ZNF285: variants seen among roughly 807,000 people sequenced by gnomAD.
ZNF285 encodes zinc finger protein 285.
Under a neutral mutation model 6.2 loss-of-function variants are expected in ZNF285, and 4 were observed. That is an observed-to-expected ratio of 0.65 (90% confidence interval 0.32 to 1.49). The LOEUF (loss-of-function observed/expected upper bound fraction) is 1.49, where lower values mean the gene tolerates loss of function less well. Ranked by LOEUF, ZNF285 falls within the 40% of genes most tolerant of loss-of-function variation. ZNF285 has a pLI of 0.07. For missense variants in ZNF285, 695 were observed against 708.8 expected, an observed-to-expected ratio of 0.98 and a Z score of 0.22; for synonymous variants, 240 against 245.8, an observed-to-expected ratio of 0.98 and a Z score of 0.22.
intron 3 of ZNF285, among the ~76,000 whole-genome samples, 183 bp from the exon 4 acceptor site, chr19:44,388,285 T>G (rs909142217): frequency 3.3e-5 from 5 of 151,572 alleles, no homozygotes; most frequent in African/African-American, 4.9e-5. Flanking sequence ...GTAGGGAAAT[T>G]AAAAGAAATC....
At chr19:44,388,126 C>A in intron 3 of ZNF285, 24 bp from the exon 4 acceptor site, 1 of 1,595,964 alleles carries the variant, frequency 6.3e-7, no homozygotes, top group Non-Finnish European at 8.5e-7. Flanking sequence ...GAGAATTTGG[C>A]TAAGAGAACA....
At chr19:44,397,018 G>A (rs762184329) in intron 2 of ZNF285, 181 bp downstream of exon 2, 4 of 805,296 alleles carry the variant, frequency 5.0e-6, no homozygotes, top group South Asian at 3.8e-5. Context: ...AAATCTGTGA[G>A]TTTGTTTCTT....
chr19:44,387,835 G>T lies in ZNF285; in HGVS notation c.410C>A (p.Ala137Glu). The T allele has an allele frequency of 1.2e-6, 2 of 1,613,922 alleles. No individual in the cohort carries two copies. Among genetic ancestry groups the T allele is most frequent in the Middle Eastern group, 3.3e-4 (2 of 6,056 alleles). The change falls in exon 4 of 4, where the codon GCA (alanine) becomes GAA (glutamate). Residue 137 changes from alanine (A) to glutamate (E), a missense_variant. Transcript: ENST00000614994. Reference sequence around the variant, plus strand: ...AAGAACCTGTGTCAGGCTTTGCCATGCTGTGATATCTTGATTTTTGATAAT... The same window carrying T: ...AAGAACCTGTGTCAGGCTTTGCCATTCTGTGATATCTTGATTTTTGATAAT... ...NAIIKNQDIT[A>E]WQSLTQVLTP... is the part of the protein sequence containing the mutation.
chr19:44,399,721 C>T (rs980498203), intron 1 of ZNF285, among the ~76,000 whole-genome samples: 2 of 151,364 alleles, frequency 1.3e-5, no homozygotes, highest in African/African-American at 2.4e-5. Flanking sequence ...GGCCGTGGCA[C>T]GAACCAGACG....
chr19:44,401,361 C>A (rs959196462), intron 1 of ZNF285: 1 of 152,222 alleles, frequency 6.6e-6, no homozygotes, highest in Non-Finnish European at 1.5e-5. Context: ...AGCCCACGCT[C>A]GAGCCCACGC....
chr19:44,394,626 A>G, intron 2 of ZNF285: 1 of 520,706 alleles, frequency 1.9e-6, no homozygotes, highest in South Asian at 3.1e-5. Flanking sequence ...TTTTACATAA[A>G]ATATTTCTAT....
intron 1 of ZNF285, among the ~76,000 whole-genome samples, chr19:44,399,324 T>G (rs1220941099): frequency 7.0e-6 from 1 of 143,028 alleles, no homozygotes; most frequent in African/African-American, 2.9e-5. Flanking sequence ...ATTACATCGT[T>G]TTACAATAGT....
intron 2 of ZNF285, among the ~76,000 whole-genome samples, chr19:44,393,469 AT>A (rs1017183465): frequency 6.6e-6 from 1 of 151,982 alleles, no homozygotes; most frequent in Non-Finnish European, 1.5e-5. Flanking sequence ...CCACTTTTTG[AT>A]GGGGTTGTTT....
At chr19:44,393,525 A>G (rs1312099649) in intron 2 of ZNF285, among the ~76,000 whole-genome samples, 2 of 152,104 alleles carry the variant, frequency 1.3e-5, no homozygotes, top group African/African-American at 4.8e-5. Flanking sequence ...TCTGGATATT[A>G]GCCCTTTGTC....
intron 2 of ZNF285, among the ~76,000 whole-genome samples, chr19:44,394,221 T>C (rs1306659879): frequency 4.0e-5 from 6 of 150,424 alleles, no homozygotes; most frequent in Admixed American, 1.3e-4. Flanking sequence ...TGAGAATACA[T>C]GGACACAGGA....
intron 2 of ZNF285, among the ~76,000 whole-genome samples, chr19:44,394,039 A>G (rs534400874): frequency 1.3e-5 from 2 of 152,308 alleles, no homozygotes; most frequent in East Asian, 3.9e-4. Flanking sequence ...GACTGGATTA[A>G]GAAAATGTGG....
chr19:44,387,941 A>C lies in ZNF285; in HGVS notation c.304T>G (p.Leu102Val). The change falls in exon 4 of 4, where the codon TTA (leucine) becomes GTA (valine). Residue 102 changes from leucine to valine, a missense_variant. By Grantham distance (32) the Leu-to-Val change is conservative. Transcript: ENST00000614994. Reference protein sequence around the residue: ...VNLQEECSPHLEDVSLSEEWA... With the variant: ...VNLQEECSPHVEDVSLSEEWA... ...TCTTCACTGAGGGAAACATCTTCTA[A>C]ATGTGGGGAACACTCTTCTTGAAGG... is the stretch of plus-strand genomic sequence containing the variant. The C allele has an allele frequency of 6.2e-7, 1 of 1,614,114 alleles. No individual in the cohort carries two copies. The highest frequency in any genetic ancestry group is 2.2e-5 in the East Asian group (1 of 44,878).
rs1971045894 is a variant in ZNF285 at position 44,384,952 on chromosome 19, A to C, written c.*1520T>G. The stretch of plus-strand genomic sequence containing the variant: ...TTCAAGGCTTCAGCGAGCAATGATC[A>C]GGCCACTGCACTCCAGCCACCTGGG... On this transcript the variant is annotated 3_prime_UTR_variant, in exon 4 of 4. Coordinates refer to ENST00000614994, the MANE Select transcript of ZNF285 (RefSeq NM_152354.6). 1 of 145,886 alleles carries C rather than the reference A, an allele frequency of 6.9e-6. No individual in the cohort carries two copies. Among genetic ancestry groups the C allele is most frequent in the Non-Finnish European group, 1.5e-5 (1 of 67,198 alleles). 9.0% of individuals were successfully genotyped at this position (145,886 alleles called of 1,614,324 possible). A position where few individuals can be genotyped will look rare whatever the true frequency, so the allele number is the denominator to read the frequency against.
chr19:44,388,328 G>C (rs1333236221), intron 3 of ZNF285, among the ~76,000 whole-genome samples: 1 of 151,974 alleles, frequency 6.6e-6, no homozygotes, highest in Non-Finnish European at 1.5e-5. Flanking sequence ...GCCTGTAACA[G>C]CAACACTTTG....
chr19:44,387,905 T>A lies in ZNF285; in HGVS notation c.340A>T (p.Ile114Phe). Residue 114 changes from isoleucine (I) to phenylalanine (F), a missense_variant, in exon 4 of 4, where the codon ATT becomes TTT. Transcript: ENST00000614994. ...TCATTTTCAGAAATCTGAAGAGAAA[T>A]GCCTGCCCACTCTTCACTGAGGGAA... ...DVSLSEEWAG[I>F]SLQISENENY... 1 of 1,614,000 alleles carries A rather than the reference T, an allele frequency of 6.2e-7. No individual in the cohort carries two copies. The highest frequency in any genetic ancestry group is 1.1e-5 in the South Asian group (1 of 91,074).
In ZNF285 at chr19:44,396,876, G is replaced by A. The variant is rs146598272; in HGVS notation, c.15+323C>T. On this transcript the variant is annotated intron_variant, in intron 2 of 3. Coordinates refer to ENST00000614994, the MANE Select transcript of ZNF285 (RefSeq NM_152354.6). Reference sequence around the variant, plus strand: ...GCTGCCCATGCACTCGGATGCTGCGGCAACACCAAATTTCTGTAAGTTTCT... The same window carrying A: ...GCTGCCCATGCACTCGGATGCTGCGACAACACCAAATTTCTGTAAGTTTCT... 1,703 of 332,994 alleles carry A rather than the reference G, an allele frequency of 5.1e-3. 15 individuals carry two copies. Among genetic ancestry groups the A allele is most frequent in the Middle Eastern group, 0.024 (27 of 1,132 alleles). 20.6% of individuals were successfully genotyped at this position (332,994 alleles called of 1,614,324 possible).
chr19:44,387,527 C>G lies in ZNF285; in HGVS notation c.718G>C (p.Ala240Pro), dbSNP rs776001232. 180 of 1,613,806 alleles carry G rather than the reference C, an allele frequency of 1.1e-4. No individual in the cohort carries two copies. Among genetic ancestry groups the G allele is most frequent in the South Asian group, 7.1e-4 (65 of 91,076 alleles). The change falls in exon 4 of 4, where the codon GCC (alanine) becomes CCC (proline). Residue 240 changes from alanine (A) to proline (P), a missense_variant. Coordinates refer to ENST00000614994, the MANE Select transcript of ZNF285 (RefSeq NM_152354.6). Reference sequence around the variant, plus strand: ...TGAGGATCTGTATCATCTGCAAAGGCCACCCCACAGTTATTACATGGGAAA... The same window carrying G: ...TGAGGATCTGTATCATCTGCAAAGGGCACCCCACAGTTATTACATGGGAAA... ...QPFPCNNCGV[A>P]FADDTDPHVH... is the part of the protein sequence containing the mutation.
intron 3 of ZNF285, among the ~76,000 whole-genome samples, chr19:44,391,899 C>CT (rs1971202050): frequency 6.6e-6 from 1 of 152,172 alleles, no homozygotes; most frequent in Non-Finnish European, 1.5e-5. Flanking sequence ...GCTATTGTAA[C>CT]TGCCAACCAA....
chr19:44,388,587 A>T (rs1971139604), intron 3 of ZNF285, among the ~76,000 whole-genome samples: 1 of 152,026 alleles, frequency 6.6e-6, no homozygotes, highest in African/African-American at 2.4e-5. Context: ...CACCGCAAAA[A>T]GGAATAAAAG....
Sources: gnomAD v4.1 joint callset for allele counts (sites outside exome capture counted in the v4.1 genomes callset) on GRCh38, gnomAD v4.1.1 for gene constraint, MANE v1.5 for transcripts, NCBI Gene and HGNC (gene_info 2026-07-23, HGNC 2026-07-21) for gene names.